Variants in EPG5 observed in about 807,000 individuals in gnomAD.
The protein encoded by EPG5 is ectopic P-granules 5 autophagy tethering factor, also known as ectopic P granules protein 5 homolog.
A neutral mutation model predicts 302.7 loss-of-function variants in EPG5; 159 were observed. The ratio of observed to expected loss-of-function variants is 0.53; its 90% CI spans 0.46 to 0.60. The LOEUF (loss-of-function observed/expected upper bound fraction) is 0.60. Ranked by LOEUF, EPG5 falls within the 20% of genes least tolerant of loss-of-function variation. The pLI, the probability that EPG5 is intolerant of heterozygous loss-of-function variation, is 0.00. For missense variants in EPG5, 2,896 were observed against 3,092.4 expected (o/e 0.94, Z 1.51); for synonymous variants, 1,158 against 1,136.8 (o/e 1.02, Z -0.37).
At chr18:45,900,939 C>A in intron 26 of EPG5, 57 bp downstream of exon 26, 1 of 1,554,944 alleles carries the variant, frequency 6.4e-7, no homozygotes, top group Non-Finnish European at 8.7e-7. Flanking sequence ...AGCAAATTAT[C>A]CAGGCTGTCA....
Position 45,855,056 on chromosome 18 carries a change from C to T in EPG5, c.7557+517G>A, listed in dbSNP as rs554799550. On this transcript the variant is annotated intron_variant, in intron 43 of 43. Coordinates refer to ENST00000282041, the MANE Select transcript of EPG5 (RefSeq NM_020964.3). ...ATGTCCATAGGTTATAGGAATGTGG[C>T]CTTCCATGTTTTTAGAAGAAGCTAT... 1.3e-4 allele frequency among the ~76,000 whole-genome samples: 20 copies of T among 151,814 alleles called. No individual in the cohort carries two copies. The East Asian group carries it at 3.9e-3, about 29-fold the overall frequency.
At chr18:45,839,094 A>G in the EPG5 span, 23 of 1,401,396 alleles carry the variant, frequency 1.6e-5, no homozygotes, top group East Asian at 3.0e-5. Context: ...GCCGCCGCCC[A>G]GGTGGGTGCG....
chr18:45,939,180 A>G lies in EPG5; in HGVS notation c.2099+420T>C, dbSNP rs74925756. Among the ~76,000 whole-genome samples the G allele has an allele frequency of 1.6e-4, 24 of 152,352 alleles. No individual in the cohort carries two copies. The East Asian group carries it at 4.2e-3, about 27-fold the overall frequency. On this transcript the variant is annotated intron_variant, in intron 10 of 43. Transcript: ENST00000282041. Reference sequence around the variant, plus strand: ...GAACCAAGATCCATGACATTCCCAGACCTTAAAACCCTTACCGGAAGGCAA... The same window carrying G: ...GAACCAAGATCCATGACATTCCCAGGCCTTAAAACCCTTACCGGAAGGCAA...
At position 45,857,992 on chromosome 18, in the gene EPG5, T is replaced by G. The variant is rs2048552127; in HGVS notation, c.7303A>C (p.Asn2435His). The G allele has an allele frequency of 6.2e-7, 1 of 1,613,752 alleles. No homozygotes were observed. Among genetic ancestry groups the G allele is most frequent in the African/African-American group, 1.3e-5 (1 of 74,932 alleles). Residue 2435 changes from asparagine to histidine, a missense_variant, in exon 42 of 44, where the codon AAT becomes CAT. Coordinates refer to ENST00000282041, the MANE Select transcript of EPG5 (RefSeq NM_020964.3). The part of the protein sequence containing the change: ...LQLSLIQTEQ[N>H]DSVLTESVIR... ...ACAGATTCTGTCAGGACGGAGTCAT[T>G]CTGCTCTGTCTGAATGAGGGAGAGC...
chr18:45,838,742 C>T, the EPG5 span: 19 of 1,579,930 alleles, frequency 1.2e-5, no homozygotes, highest in Non-Finnish European at 1.6e-5. Flanking sequence ...GTCAACATCT[C>T]GGTGCTGCCC....
At chr18:45,801,092 AG>A in the EPG5 span, among the ~76,000 whole-genome samples, 1 of 152,114 alleles carries the variant, frequency 6.6e-6, no homozygotes, top group Non-Finnish European at 1.5e-5. Context: ...GCTGGAGTGC[AG>A]TGGTACGATC....
At chr18:45,877,418 T>TA (rs929719825) in intron 34 of EPG5, among the ~76,000 whole-genome samples, 4 of 151,888 alleles carry the variant, frequency 2.6e-5, no homozygotes, top group Admixed American at 2.0e-4. Context: ...GACTCTGTCT[T>TA]AAAAAAAATT....
chr18:45,880,812 C>T (rs1026720774), intron 31 of EPG5, among the ~76,000 whole-genome samples: 2 of 152,116 alleles, frequency 1.3e-5, no homozygotes, highest in East Asian at 1.9e-4. Flanking sequence ...CCACCCAGAG[C>T]GAACATGAGA....
chr18:45,957,864 G>A (rs761125283), intron 1 of EPG5, among the ~76,000 whole-genome samples: 12 of 152,162 alleles, frequency 7.9e-5, no homozygotes, highest in African/African-American at 2.7e-4. Flanking sequence ...ACTAGAACTC[G>A]AGAGTGGCTG....
intron 26 of EPG5, 55 bp from the exon 27 acceptor site, chr18:45,899,621 G>C: frequency 6.3e-7 from 1 of 1,581,538 alleles, no homozygotes; most frequent in Non-Finnish European, 8.7e-7. Context: ...TATATGATAG[G>C]TGATAAAGGC....
intron 1 of EPG5, among the ~76,000 whole-genome samples, chr18:45,957,505 T>G (rs1191572264): frequency 2.0e-5 from 3 of 152,212 alleles, no homozygotes; most frequent in Non-Finnish European, 4.4e-5. Flanking sequence ...AACAGGGTTC[T>G]TAGACTGAGA....
intron 27 of EPG5, among the ~76,000 whole-genome samples, chr18:45,892,700 T>A (rs1181890107): frequency 6.6e-6 from 1 of 152,184 alleles, no homozygotes; most frequent in Non-Finnish European, 1.5e-5. Flanking sequence ...AAGAAGCATG[T>A]CTCACTTCCC....
Position 45,876,287 on chromosome 18 carries a change from T to C in EPG5, c.5998A>G (p.Ile2000Val). The change falls in exon 35 of 44, where the codon ATT becomes GTT. Residue 2000 changes from isoleucine (I) to valine (V), a missense_variant. By Grantham distance (29) the Ile-to-Val change is conservative. Transcript: ENST00000282041. ...ATACAGTCAGTGAACAGCTGCACAA[T>C]GCTTGAGGCCACCACAGTATCACTC... ...LESDTVVASS[I>V]VQLFTDCIDS... is the part of the protein sequence containing the mutation. 1 of 1,614,150 alleles carries C rather than the reference T, an allele frequency of 6.2e-7. No homozygotes were observed. Among genetic ancestry groups the C allele is most frequent in the Non-Finnish European group, 8.5e-7 (1 of 1,180,000 alleles).
chr18:45,887,716 T>C (rs770591255), intron 29 of EPG5, 35 bp downstream of exon 29: 6 of 1,470,622 alleles, frequency 4.1e-6, no homozygotes, highest in Non-Finnish European at 5.5e-6. Flanking sequence ...AGAGACTCAT[T>C]ATCTGATCAA....
Position 45,876,357 on chromosome 18 carries a change from A to C in EPG5, c.5943-15T>G. ...GCTGTTGGCTGCTTTAAAGAAAAGA[A>C]GCACACACTTAGGAATGCAACCGTG... On this transcript the variant is annotated splice_polypyrimidine_tract_variant and intron_variant, in intron 34 of 43. Coordinates refer to ENST00000282041, the MANE Select transcript of EPG5 (RefSeq NM_020964.3). The C allele has an allele frequency of 1.3e-6, 2 of 1,597,888 alleles. No homozygotes were observed. Among genetic ancestry groups the C allele is most frequent in the Non-Finnish European group, 8.6e-7 (1 of 1,165,174 alleles).
intron 31 of EPG5, 128 bp downstream of exon 31, chr18:45,882,146 C>T: frequency 1.2e-6 from 1 of 821,282 alleles, no homozygotes; most frequent in East Asian, 2.7e-5. Flanking sequence ...CTTTAGATGA[C>T]AATTAGTGAT....
At chr18:45,808,813 C>G in the EPG5 span, among the ~76,000 whole-genome samples, 2 of 65,410 alleles carry the variant, frequency 3.1e-5, no homozygotes, top group East Asian at 2.4e-3. Flanking sequence ...AACAAAAATA[C>G]AATTAAAAAA....
Position 45,951,213 on chromosome 18 carries a change from G to C in EPG5, c.1278C>G (p.Pro426=), listed in dbSNP as rs1309251258. The C allele has an allele frequency of 1.3e-6, 2 of 1,574,108 alleles. No homozygotes were observed. Among genetic ancestry groups the C allele is most frequent in the East Asian group, 2.3e-5 (1 of 43,346 alleles). Residue 426 remains proline, a synonymous_variant, in exon 4 of 44, where the codon CCC becomes CCG. Transcript: ENST00000282041. ...GRASKQTESI[P]SDLCQLKECI... ...ATTCCTTTAGTTGACACAGATCAGA[G>C]GGAATGCTTTCTGTCTGCTTAGACG...
downstream of EPG5, chr18:45,842,724 A>T (rs908182660): frequency 1.9e-5 from 3 of 156,344 alleles, no homozygotes; most frequent in African/African-American, 7.2e-5. Context: ...GAAATAATGG[A>T]TATGAAGGGG....
Sources: allele counts gnomAD v4.1 joint callset (sites outside exome capture counted in the v4.1 genomes callset), GRCh38; gene constraint gnomAD v4.1.1; transcripts MANE v1.5; gene names NCBI Gene and HGNC (gene_info 2026-07-23, HGNC 2026-07-21).